TMEM39B: variants seen among roughly 807,000 people sequenced by gnomAD.
TMEM39B encodes transmembrane protein 39B.
Under a neutral mutation model 52.2 loss-of-function variants are expected in TMEM39B, and 23 were observed. The ratio of observed to expected loss-of-function variants is 0.44; its 90% CI spans 0.32 to 0.62. The LOEUF (loss-of-function observed/expected upper bound fraction) is 0.62. Among genes scored for constraint, TMEM39B ranks in the 20% least tolerant of loss-of-function variants. TMEM39B has a pLI of 0.06. For missense variants in TMEM39B, 547 were observed against 642.0 expected (o/e 0.85, Z 1.60); for synonymous variants, 285 against 264.0 (o/e 1.08, Z -0.77).
At chr1:32,099,095 A>C (rs1337266324) in intron 7 of TMEM39B, among the ~76,000 whole-genome samples, 1 of 152,144 alleles carries the variant, frequency 6.6e-6, no homozygotes, top group African/African-American at 2.4e-5. Context: ...TACAAAAAAT[A>C]CAGAAAAATT....
At chr1:32,086,254 T>C (rs1406574287) in intron 5 of TMEM39B, among the ~76,000 whole-genome samples, 1 of 152,148 alleles carries the variant, frequency 6.6e-6, no homozygotes, top group Non-Finnish European at 1.5e-5. Context: ...TCTTCTATCA[T>C]ATGTGCCCAC....
At chr1:32,082,486 T>C (rs1640145857) in intron 5 of TMEM39B, among the ~76,000 whole-genome samples, 1 of 151,904 alleles carries the variant, frequency 6.6e-6, no homozygotes, top group Non-Finnish European at 1.5e-5. Context: ...ATGGAGTCTC[T>C]CTCTGTCACC....
rs1486687516 is a variant in TMEM39B, at chr1:32,094,681, C to T, written c.928-103C>T. ...TTGGTTTCAGGCTATTCTGAGGTCT[C>T]CCCAGGACTGTCCTAACCTCTCAGT... is the stretch of plus-strand genomic sequence containing the variant. On this transcript the variant is annotated intron_variant, in intron 6 of 8. Transcript: ENST00000336294. The T allele has an allele frequency of 4.6e-6, 6 of 1,312,926 alleles. No individual in the cohort carries two copies. The Admixed American group carries it at 1.1e-4, about 24-fold the overall frequency. The allele number at this position is 1,312,926 out of a possible 1,614,324, so 81.3% of individuals were successfully genotyped here. A position where few individuals can be genotyped will look rare whatever the true frequency, so the allele number is the denominator to read the frequency against.
In TMEM39B at chr1:32,077,313, C is replaced by T. The variant is rs747113969; in HGVS notation, c.585C>T (p.Cys195=). ...CCTTCCTGAACCTCCTGTTCCTCTG[C>T]TATCCGTGAGTACCCCTCACTTCAC... ...TYSFLNLLFL[C]YPFGMYIPFL... The change falls in exon 5 of 9, where the codon TGC becomes TGT. Residue 195 remains cysteine, a synonymous_variant. Coordinates refer to ENST00000336294, the MANE Select transcript of TMEM39B (RefSeq NM_018056.4). 35 of 1,614,178 alleles carry T rather than the reference C, an allele frequency of 2.2e-5. No homozygotes were observed. The highest frequency in any genetic ancestry group is 3.0e-5 in the Non-Finnish European group (35 of 1,180,006).
chr1:32,072,917 G>C, upstream of TMEM39B: 1 of 1,253,094 alleles, frequency 8.0e-7, no homozygotes, highest in South Asian at 1.4e-5. Flanking sequence ...CAAATGTAGC[G>C]GCGCGGCGGG....
At chr1:32,098,905 A>T (rs1301918555) in intron 7 of TMEM39B, among the ~76,000 whole-genome samples, 2 of 152,154 alleles carry the variant, frequency 1.3e-5, no homozygotes, top group Non-Finnish European at 2.9e-5. Flanking sequence ...TAAATAGATG[A>T]CCAGCATTGG....
At chr1:32,086,066 G>T (rs936485476) in intron 5 of TMEM39B, among the ~76,000 whole-genome samples, 1 of 151,928 alleles carries the variant, frequency 6.6e-6, no homozygotes, top group Non-Finnish European at 1.5e-5. Context: ...GAGTGGTGGG[G>T]GTGTTACTCT....
rs923499255 is a variant in TMEM39B at position 32,073,553 on chromosome 1, C to T, written c.4+502C>T. 1.7e-5 allele frequency: 17 copies of T among 993,874 alleles called. No individual in the cohort carries two copies. The African/African-American group carries it at 2.3e-4, about 13-fold the overall frequency. 61.6% of individuals were successfully genotyped at this position (993,874 alleles called of 1,614,324 possible). ...TGACAGTTGTGTGTAGGCGGAGCTT[C>T]TGGGCTGAGGGGCTTTATGTGGGTG... is the stretch of plus-strand genomic sequence containing the variant. On this transcript the variant is annotated intron_variant, in intron 1 of 8. Coordinates refer to ENST00000336294, the MANE Select transcript of TMEM39B (RefSeq NM_018056.4).
Position 32,093,811 on chromosome 1 carries a change from G to A in TMEM39B, c.928-973G>A, listed in dbSNP as rs539935443. Among the ~76,000 whole-genome samples the A allele has an allele frequency of 6.7e-5, 10 of 148,962 alleles. No individual in the cohort carries two copies. In the East Asian group the frequency reaches 2.0e-3, roughly 30 times the overall value. On this transcript the variant is annotated intron_variant, in intron 6 of 8. Coordinates refer to ENST00000336294, the MANE Select transcript of TMEM39B (RefSeq NM_018056.4). Reference sequence around the variant, plus strand: ...GGTGGTTCATGGTTGCTTTTTTTTTGTTTTGTTTTGTTTTGTTTTGTTTTT... The same window carrying A: ...GGTGGTTCATGGTTGCTTTTTTTTTATTTTGTTTTGTTTTGTTTTGTTTTT...
At position 32,102,737 on chromosome 1, in the gene TMEM39B, T is replaced by C; in HGVS notation, c.*64T>C. 7.0e-7 allele frequency: 1 copy of C among 1,419,606 alleles called. No individual in the cohort carries two copies. 87.9% of individuals were successfully genotyped at this position (1,419,606 alleles called of 1,614,324 possible). A position where few individuals can be genotyped will look rare whatever the true frequency, so the allele number is the denominator to read the frequency against. On this transcript the variant is annotated 3_prime_UTR_variant, in exon 9 of 9. Transcript: ENST00000336294. Reference sequence around the variant, plus strand: ...CCAAGGGCTCCCTGGCAAGGGGCTGTTGGGTAGAAGTGGTGGTGGGGGGGA... The same window carrying C: ...CCAAGGGCTCCCTGGCAAGGGGCTGCTGGGTAGAAGTGGTGGTGGGGGGGA...
intron 1 of TMEM39B, among the ~76,000 whole-genome samples, chr1:32,074,028 C>T (rs754873463): frequency 5.9e-5 from 9 of 152,160 alleles, no homozygotes; most frequent in Non-Finnish European, 8.8e-5. Context: ...AGATTACAGT[C>T]GTGAGCCACC....
At chr1:32,097,120 G>A (rs548893470) in intron 7 of TMEM39B, among the ~76,000 whole-genome samples, 1 of 152,032 alleles carries the variant, frequency 6.6e-6, no homozygotes, top group South Asian at 2.1e-4. Flanking sequence ...ATCTTAAAGG[G>A]TACAATTCTT....
At chr1:32,089,131 ATTTTTTTTTT>A (rs746806785) in intron 5 of TMEM39B, among the ~76,000 whole-genome samples, 1 of 130,206 alleles carries the variant, frequency 7.7e-6, no homozygotes, top group African/African-American at 2.9e-5. Flanking sequence ...AGAGCTGGGA[ATTTTTTTTTT>A]TTTTTTTTTT....
chr1:32,081,711 G>A, intron 5 of TMEM39B, among the ~76,000 whole-genome samples: 1 of 151,912 alleles, frequency 6.6e-6, no homozygotes, highest in Non-Finnish European at 1.5e-5. Context: ...TTGCACCACT[G>A]CACTCCAGCC....
chr1:32,073,438 CGGGGAGACTTCCGACTGA>C, intron 1 of TMEM39B: 1 of 614,074 alleles, frequency 1.6e-6, no homozygotes, highest in Non-Finnish European at 2.1e-6. Context: ...GGCGGTGGAG[CGGGGAGACTTCCGACTGA>C]GGGAGCCCAT....
At chr1:32,073,888 A>G in intron 1 of TMEM39B, 1 of 985,252 alleles carries the variant, frequency 1.0e-6, no homozygotes. Flanking sequence ...AACAGGTTAT[A>G]ACTTTTTAAA....
intron 5 of TMEM39B, among the ~76,000 whole-genome samples, chr1:32,079,514 C>T (rs1433457903): frequency 6.6e-6 from 1 of 151,918 alleles, no homozygotes; most frequent in South Asian, 2.1e-4. Context: ...TGGACCAGTT[C>T]ATCCCCTCCT....
intron 7 of TMEM39B, among the ~76,000 whole-genome samples, chr1:32,099,406 T>C (rs1640935327): frequency 1.3e-5 from 2 of 152,128 alleles, no homozygotes. Flanking sequence ...ATGTGGCACA[T>C]GTATACATAT....
chr1:32,091,183 A>C (rs1569919170), intron 5 of TMEM39B, among the ~76,000 whole-genome samples: 1 of 148,818 alleles, frequency 6.7e-6, no homozygotes, highest in African/African-American at 2.5e-5. Flanking sequence ...TCCCACCCCC[A>C]CCTGCCCTAT....
Sources: gnomAD v4.1 joint callset for allele counts (sites outside exome capture counted in the v4.1 genomes callset) on GRCh38, gnomAD v4.1.1 for gene constraint, MANE v1.5 for transcripts, NCBI Gene and HGNC (gene_info 2026-07-23, HGNC 2026-07-21) for gene names.